Variants in WWC2 observed in about 807,000 individuals in gnomAD.
WWC2 encodes protein WWC2.
Under a neutral mutation model 138.5 loss-of-function variants are expected in WWC2, and 101 were observed. The ratio of observed to expected loss-of-function variants is 0.73; its 90% CI spans 0.62 to 0.86. The LOEUF (loss-of-function observed/expected upper bound fraction) is 0.86, where lower values mean the gene tolerates loss of function less well. Among genes scored for constraint, WWC2 ranks in the 40% least tolerant of loss-of-function variants. The pLI, the probability that WWC2 is intolerant of heterozygous loss-of-function variation, is 0.00. For missense variants in WWC2, 1,420 were observed against 1,419.4 expected, an observed-to-expected ratio of 1.00 and a Z score of -0.01; for synonymous variants, 558 against 538.4, an observed-to-expected ratio of 1.04 and a Z score of -0.50.
chr4:183,294,676 T>C (rs956797920), intron 21 of WWC2, among the ~76,000 whole-genome samples: 2 of 152,186 alleles, frequency 1.3e-5, no homozygotes, highest in Non-Finnish European at 2.9e-5. Context: ...CTTTGGCAGA[T>C]CCGAACAGTA....
intron 21 of WWC2, 148 bp downstream of exon 21, chr4:183,289,783 T>C (rs1201354245): frequency 1.2e-5 from 16 of 1,281,074 alleles, no homozygotes; most frequent in Non-Finnish European, 1.6e-5. Context: ...CCCACTGTTA[T>C]AGGCCCTTTT....
At chr4:183,225,823 C>T (rs1228180763) in intron 4 of WWC2, among the ~76,000 whole-genome samples, 2 of 152,156 alleles carry the variant, frequency 1.3e-5, no homozygotes, top group African/African-American at 2.4e-5. Context: ...TCTCATGGAG[C>T]TTATGCTGTA....
chr4:183,196,823 C>G (rs1274019698), intron 2 of WWC2, among the ~76,000 whole-genome samples: 1 of 152,244 alleles, frequency 6.6e-6, no homozygotes, highest in African/African-American at 2.4e-5. Context: ...TCCCACAGGC[C>G]TTCTCTGATA....
At chr4:183,227,505 G>A (rs1736107310) in intron 4 of WWC2, among the ~76,000 whole-genome samples, 1 of 151,952 alleles carries the variant, frequency 6.6e-6, no homozygotes, top group South Asian at 2.1e-4. Context: ...TGAGAAATTA[G>A]AGAAAATACA....
rs928214457 is a variant in WWC2 at position 183,320,402 on chromosome 4, G to T, written c.*4673G>T. The T allele has an allele frequency of 1.2e-5, 8 of 646,978 alleles. No individual in the cohort carries two copies. The highest frequency in any genetic ancestry group is 1.9e-5 in the Non-Finnish European group (7 of 375,028). The allele number at this position is 646,978 out of a possible 1,614,324, so 40.1% of individuals were successfully genotyped here. A position where few individuals can be genotyped will look rare whatever the true frequency, so the allele number is the denominator to read the frequency against. On this transcript the variant is annotated 3_prime_UTR_variant, in exon 23 of 23. Transcript: ENST00000403733. ...TGAATGGGTTTCACAAAAGGATAGG[G>T]AAATAATGCCGCCAACCAGTAATGC...
Position 183,103,712 on chromosome 4 carries a change from A to G in WWC2, c.131+4090A>G, listed in dbSNP as rs540413231. Among the ~76,000 whole-genome samples the G allele has an allele frequency of 6.9e-4, 96 of 138,390 alleles. 1 individual carries two copies. The highest frequency in any genetic ancestry group is 2.5e-3 in the African/African-American group (92 of 36,114). 90.8% of individuals were successfully genotyped at this position (138,390 alleles called of 152,430 possible). A position where few individuals can be genotyped will look rare whatever the true frequency, so the allele number is the denominator to read the frequency against. ...GAGTGCAGTGGTGCCATCTCGCCTC[A>G]CTGCAACCTCCGCCGCCTGGGTTCA... On this transcript the variant is annotated intron_variant, in intron 1 of 22. Transcript: ENST00000403733.
At chr4:183,186,296 C>T (rs1290059043) in intron 1 of WWC2, among the ~76,000 whole-genome samples, 1 of 152,058 alleles carries the variant, frequency 6.6e-6, no homozygotes, top group Non-Finnish European at 1.5e-5. Context: ...TATCTGGATC[C>T]CAAAACCCAA....
chr4:183,187,837 C>T (rs1321729000), intron 1 of WWC2, among the ~76,000 whole-genome samples: 1 of 151,782 alleles, frequency 6.6e-6, no homozygotes, highest in Non-Finnish European at 1.5e-5. Flanking sequence ...CGTGCCATTG[C>T]ACTCCAGCCT....
chr4:183,140,988 T>C (rs1176995429), intron 1 of WWC2, among the ~76,000 whole-genome samples: 1 of 152,220 alleles, frequency 6.6e-6, no homozygotes, highest in African/African-American at 2.4e-5. Context: ...AATTGGATAA[T>C]TGTGCTCTGA....
In WWC2 at chr4:183,261,457, G is replaced by C; in HGVS notation, c.1834G>C (p.Gly612Arg). 1 of 1,612,578 alleles carries C rather than the reference G, an allele frequency of 6.2e-7. No individual in the cohort carries two copies. The highest frequency in any genetic ancestry group is 1.3e-5 in the African/African-American group (1 of 75,028). Residue 612 changes from glycine to arginine, a missense_variant, in exon 11 of 23, where the codon GGA (glycine) becomes CGA (arginine). Physicochemically the swap from Gly to Arg is moderately radical, Grantham distance 125 (BLOSUM62 -2). Coordinates refer to ENST00000403733, the MANE Select transcript of WWC2 (RefSeq NM_024949.6). ...GATTTTGCTGGATTCTGATTCAGGA[G>C]GAGCCTCCCAGTCTCTTTCAGAGGA... The part of the protein sequence containing the change: ...NQILLDSDSG[G>R]ASQSLSEDKD...
chr4:183,164,369 A>ATATATACATATATATATAT (rs1734066084), intron 1 of WWC2, among the ~76,000 whole-genome samples: 2 of 636 alleles, frequency 3.1e-3, no homozygotes, highest in African/African-American at 9.8e-3. Flanking sequence ...TATATATATT[A>ATATATACATATATATATAT]TATATACATA....
chr4:183,137,328 A>G (rs771157408), intron 1 of WWC2, among the ~76,000 whole-genome samples: 20 of 152,182 alleles, frequency 1.3e-4, no homozygotes, highest in Non-Finnish European at 2.6e-4. Context: ...GTTCAAAAAT[A>G]TCTTTTCTTT....
rs551999103 is a variant in WWC2, at chr4:183,221,539, T to C, written c.522+12514T>C. On this transcript the variant is annotated intron_variant, in intron 4 of 22. Coordinates refer to ENST00000403733, the MANE Select transcript of WWC2 (RefSeq NM_024949.6). Reference sequence around the variant, plus strand: ...GAAGTCTCAGTACATTTAAGGGGACTCAAATGCATAGAGTATAACTACAGT... The same window carrying C: ...GAAGTCTCAGTACATTTAAGGGGACCCAAATGCATAGAGTATAACTACAGT... 2.0e-5 allele frequency among the ~76,000 whole-genome samples: 3 copies of C among 152,184 alleles called. No homozygotes were observed. In the South Asian group the frequency reaches 6.2e-4, roughly 31 times the overall value.
chr4:183,252,987 C>T (rs565179198), intron 8 of WWC2, among the ~76,000 whole-genome samples: 23 of 152,248 alleles, frequency 1.5e-4, no homozygotes, highest in African/African-American at 4.1e-4. Flanking sequence ...TCACCTTAGC[C>T]TCCCAAGGAG....
chr4:183,208,890 A>G lies in WWC2; in HGVS notation c.446-59A>G, dbSNP rs186061611. Reference sequence around the variant, plus strand: ...TTGTTTTTAGCTTCAGTAAATTCTAAGCTGAGAACTAGTTATGCAACTTGT... The same window carrying G: ...TTGTTTTTAGCTTCAGTAAATTCTAGGCTGAGAACTAGTTATGCAACTTGT... On this transcript the variant is annotated intron_variant, in intron 3 of 22. Transcript: ENST00000403733. 28 of 1,192,110 alleles carry G rather than the reference A, an allele frequency of 2.3e-5. 1 individual carries two copies. In the East Asian group the frequency reaches 6.7e-4, roughly 28 times the overall value. The allele number at this position is 1,192,110 out of a possible 1,614,324, so 73.8% of individuals were successfully genotyped here. A position where few individuals can be genotyped will look rare whatever the true frequency, so the allele number is the denominator to read the frequency against.
chr4:183,200,149 T>C (rs1735258725), intron 2 of WWC2, among the ~76,000 whole-genome samples: 1 of 152,188 alleles, frequency 6.6e-6, no homozygotes, highest in Non-Finnish European at 1.5e-5. Flanking sequence ...ACCAGTCTAC[T>C]GGAGTGTTTT....
At chr4:183,206,338 A>G (rs1050491761) in intron 2 of WWC2, among the ~76,000 whole-genome samples, 13 of 151,998 alleles carry the variant, frequency 8.6e-5, no homozygotes, top group African/African-American at 1.2e-4. Context: ...TGTTTTCTGT[A>G]TTAAAGCCAT....
chr4:183,267,382 A>T (rs989418781), intron 14 of WWC2, among the ~76,000 whole-genome samples: 2 of 152,182 alleles, frequency 1.3e-5, no homozygotes, highest in African/African-American at 2.4e-5. Flanking sequence ...GTCCAGGAAG[A>T]CTGGCTTGAT....
intron 1 of WWC2, among the ~76,000 whole-genome samples, chr4:183,183,712 A>C (rs1202490975): frequency 6.7e-6 from 1 of 150,172 alleles, no homozygotes; most frequent in African/African-American, 2.5e-5. Context: ...CGGGAGGTTG[A>C]GGCTGTAGTG....
Sources: gnomAD v4.1 joint callset for allele counts (sites outside exome capture counted in the v4.1 genomes callset) on GRCh38, gnomAD v4.1.1 for gene constraint, MANE v1.5 for transcripts, NCBI Gene and HGNC (gene_info 2026-07-23, HGNC 2026-07-21) for gene names.